PACS1: variants seen among roughly 807,000 people sequenced by gnomAD.
PACS1 encodes the protein phosphofurin acidic cluster sorting protein 1.
PACS1 carries 24 observed loss-of-function variants against 115.0 expected under a neutral mutation model. That is an observed-to-expected ratio of 0.21 (90% CI 0.15 to 0.29). The LOEUF (loss-of-function observed/expected upper bound fraction) is 0.29, where lower values mean the gene tolerates loss of function less well. PACS1 is among the 10% of genes least tolerant of loss of function. The pLI is 1.00. For missense variants in PACS1, 838 were observed against 1,251.2 expected (o/e 0.67, Z 4.98); for synonymous variants, 453 against 504.5 (o/e 0.90, Z 1.37).
At chr11:66,108,064 AT>A (rs1858092823) in intron 1 of PACS1, among the ~76,000 whole-genome samples, 1 of 152,146 alleles carries the variant, frequency 6.6e-6, no homozygotes, top group African/African-American at 2.4e-5. Flanking sequence ...AGCAAGGCTC[AT>A]TTTCTAGTTT....
In PACS1 at chr11:66,099,514, G is replaced by A. The variant is rs980404493; in HGVS notation, c.356+28672G>A. ...GCTGGGAGTACAGGCATAAGCCACC[G>A]TGCCCAGCCTATCACTTTCTATATC... is the stretch of plus-strand genomic sequence containing the variant. On this transcript the variant is annotated intron_variant, in intron 1 of 23. Coordinates refer to ENST00000320580, the MANE Select transcript of PACS1 (RefSeq NM_018026.4). 4.0e-5 allele frequency among the ~76,000 whole-genome samples: 6 copies of A among 151,020 alleles called. No homozygotes were observed. In the East Asian group the frequency reaches 5.9e-4, roughly 15 times the overall value.
chr11:66,162,515 G>A (rs1395615291), intron 1 of PACS1, among the ~76,000 whole-genome samples: 2 of 152,188 alleles, frequency 1.3e-5, no homozygotes, highest in African/African-American at 4.8e-5. Context: ...GAGTGACAGG[G>A]CCAAGAATGC....
chr11:66,236,664 C>T lies in PACS1; in HGVS notation c.2250+724C>T, dbSNP rs1855710833. ...GTCCGGGGGAGCTGTGCAGTCCTGC[C>T]AGAGGCCAGAGCATGGCACCGGAGC... On this transcript the variant is annotated intron_variant, in intron 19 of 23. Coordinates refer to ENST00000320580, the MANE Select transcript of PACS1 (RefSeq NM_018026.4). The surrounding 1 kb of genome is among the most constrained non-coding windows in gnomAD (Gnocchi z 4.2). Among the ~76,000 whole-genome samples the T allele has an allele frequency of 6.6e-6, 1 of 152,188 alleles. No homozygotes were observed. Among genetic ancestry groups the T allele is most frequent in the South Asian group, 2.1e-4 (1 of 4,830 alleles).
chr11:66,233,194 G>A lies in PACS1; in HGVS notation c.1838+128G>A, dbSNP rs1855635420. On this transcript the variant is annotated intron_variant, in intron 15 of 23. Transcript: ENST00000320580. This position sits in a 1 kb window ranked among gnomAD's most constrained non-coding sequence, Gnocchi z 4.5. The stretch of plus-strand genomic sequence containing the variant: ...ACCAAGAATTTGCAGAGGGGCGTAT[G>A]TTTAGGGGGGTGGCGGCAGCAGGCT... 4 of 665,194 alleles carry A rather than the reference G, an allele frequency of 6.0e-6. No homozygotes were observed. The highest frequency in any genetic ancestry group is 3.9e-5 in the South Asian group (2 of 51,726). 41.2% of individuals were successfully genotyped at this position (665,194 alleles called of 1,614,324 possible).
chr11:66,121,603 TG>T (rs1381599863), intron 1 of PACS1, among the ~76,000 whole-genome samples: 1 of 152,170 alleles, frequency 6.6e-6, no homozygotes, highest in Non-Finnish European at 1.5e-5. Context: ...AAATTAAAAG[TG>T]CTACTCCAGT....
rs1203799 is a variant in PACS1, at chr11:66,205,119, G to A, written c.445-5243G>A. Among the ~76,000 whole-genome samples the A allele has an allele frequency of 8.3e-3, 1,262 of 152,112 alleles. 15 individuals carry two copies. The highest frequency in any genetic ancestry group is 0.028 in the African/African-American group (1,178 of 41,494). ...CCTACCTCAGCCTCCCAAGTAGCTG[G>A]GATTACAGGTGTGCACCATCATGCC... On this transcript the variant is annotated intron_variant, in intron 2 of 23. Coordinates refer to ENST00000320580, the MANE Select transcript of PACS1 (RefSeq NM_018026.4).
In PACS1 at chr11:66,232,284, C is replaced by T. The variant is rs1385932908; in HGVS notation, c.1731+8C>T. On this transcript the variant is annotated splice_region_variant and intron_variant, in intron 14 of 23. Coordinates refer to ENST00000320580, the MANE Select transcript of PACS1 (RefSeq NM_018026.4). Reference sequence around the variant, plus strand: ...ACTGACTGGCAGGGCCAGGTAAGTGCTGAAACTGCGAGGCCATGTGGGGTC... The same window carrying T: ...ACTGACTGGCAGGGCCAGGTAAGTGTTGAAACTGCGAGGCCATGTGGGGTC... 6.4e-7 allele frequency: 1 copy of T among 1,555,448 alleles called. No homozygotes were observed. Among genetic ancestry groups the T allele is most frequent in the South Asian group, 1.1e-5 (1 of 89,950 alleles).
intron 1 of PACS1, among the ~76,000 whole-genome samples, chr11:66,098,032 C>G (rs1042944476): frequency 3.9e-5 from 6 of 152,080 alleles, no homozygotes; most frequent in African/African-American, 1.4e-4. Flanking sequence ...AAAAAATTAG[C>G]TGGGCATGGT....
Position 66,219,800 on chromosome 11 carries a change from G to A in PACS1, c.1033G>A (p.Asp345Asn). 6.2e-7 allele frequency: 1 copy of A among 1,610,954 alleles called. No homozygotes were observed. Among genetic ancestry groups the A allele is most frequent in the Non-Finnish European group, 8.5e-7 (1 of 1,177,164 alleles). ...VALLKRFKVS[D>N]EVGFGLEHVS... ...CCTCCTGAAGCGGTTTAAAGTTTCA[G>A]ATGAGGTATGGCCTCTTACTCCCAA... The change falls in exon 8 of 24, where the codon GAT (aspartate) becomes AAT (asparagine). Residue 345 changes from aspartate (D) to asparagine (N), a missense_variant. This residue lies in a region of PACS1 where 223 missense variants were observed against 354.0 expected (regional missense o/e 0.63). Coordinates refer to ENST00000320580, the MANE Select transcript of PACS1 (RefSeq NM_018026.4).
At chr11:66,154,412 C>T (rs1859309329) in intron 1 of PACS1, among the ~76,000 whole-genome samples, 1 of 152,154 alleles carries the variant, frequency 6.6e-6, no homozygotes, top group Admixed American at 6.6e-5. Flanking sequence ...GCCCTCCAGC[C>T]TGGGCAACAG....
chr11:66,223,369 G>GCTTCCCA (rs1242574851), intron 10 of PACS1, among the ~76,000 whole-genome samples: 132 of 149,952 alleles, frequency 8.8e-4, no homozygotes, highest in African/African-American at 2.6e-3. Context: ...GCTGGGATTA[G>GCTTCCCA]AGGCTTGAGC....
chr11:66,187,269 CAG>C (rs1356693556), intron 1 of PACS1, among the ~76,000 whole-genome samples: 5 of 152,222 alleles, frequency 3.3e-5, no homozygotes, highest in East Asian at 1.9e-4. Context: ...ATGAACAGAA[CAG>C]GGGGATTAGC....
chr11:66,232,755 C>T (rs1855622568), intron 14 of PACS1, among the ~76,000 whole-genome samples: 1 of 152,144 alleles, frequency 6.6e-6, no homozygotes, highest in Non-Finnish European at 1.5e-5. Context: ...GGCTTCCCAT[C>T]TCTCACACTC....
intron 1 of PACS1, among the ~76,000 whole-genome samples, chr11:66,191,566 C>T (rs1430264409): frequency 2.0e-5 from 3 of 152,092 alleles, no homozygotes; most frequent in African/African-American, 7.2e-5. Flanking sequence ...GAACAGTGAG[C>T]CCCCCAACAC....
chr11:66,129,275 TACA>T (rs1316046604), intron 1 of PACS1, among the ~76,000 whole-genome samples: 1 of 150,828 alleles, frequency 6.6e-6, no homozygotes, highest in Non-Finnish European at 1.5e-5. Flanking sequence ...CTACTGAAAA[TACA>T]ACAATTAGCC....
rs947157740 is a variant in PACS1, at chr11:66,233,568, G to A, written c.1839-217G>A. 6.6e-6 allele frequency among the ~76,000 whole-genome samples: 1 copy of A among 152,196 alleles called. No homozygotes were observed. Among genetic ancestry groups the A allele is most frequent in the Non-Finnish European group, 1.5e-5 (1 of 68,038 alleles). ...GTCCTACGTTAGCCTCAGCTGTTCCGTCTGCTTCATGGGCAATGCCCTCTG... is the reference window on the plus strand; with the variant it reads ...GTCCTACGTTAGCCTCAGCTGTTCCATCTGCTTCATGGGCAATGCCCTCTG... On this transcript the variant is annotated intron_variant, in intron 15 of 23. Coordinates refer to ENST00000320580, the MANE Select transcript of PACS1 (RefSeq NM_018026.4). This position sits in a 1 kb window ranked among gnomAD's most constrained non-coding sequence, Gnocchi z 4.5.
At chr11:66,222,123 A>C (rs551093225) in intron 10 of PACS1, among the ~76,000 whole-genome samples, 1 of 152,268 alleles carries the variant, frequency 6.6e-6, no homozygotes, top group South Asian at 2.1e-4. Flanking sequence ...CTCAACAAAC[A>C]AAAACCTCTC....
In PACS1 at chr11:66,235,140, T is replaced by C. The variant is rs144769192; in HGVS notation, c.2105-161T>C. Among the ~76,000 whole-genome samples, 1 of 152,252 alleles carries C rather than the reference T, an allele frequency of 6.6e-6. No homozygotes were observed. Among genetic ancestry groups the C allele is most frequent in the African/African-American group, 2.4e-5 (1 of 41,548 alleles). On this transcript the variant is annotated intron_variant, in intron 17 of 23. Coordinates refer to ENST00000320580, the MANE Select transcript of PACS1 (RefSeq NM_018026.4). This position sits in a 1 kb window ranked among gnomAD's most constrained non-coding sequence, Gnocchi z 5.6. ...AGATTGGAAGGGAGAGGACCATCCT[T>C]GGGCTCATGATTCCTTCAAACCAGA...
chr11:66,156,564 A>G (rs1859365705), intron 1 of PACS1, among the ~76,000 whole-genome samples: 1 of 151,954 alleles, frequency 6.6e-6, no homozygotes, highest in Admixed American at 6.6e-5. Flanking sequence ...TTTTTAAAAA[A>G]ATCTTTCCGG....
Sources: gnomAD v4.1 joint callset for allele counts (sites outside exome capture counted in the v4.1 genomes callset) on GRCh38, gnomAD v4.1.1 for gene constraint, gnomAD v4.1.1 regional missense constraint, Gnocchi (gnomAD v3.1) non-coding constraint, MANE v1.5 for transcripts, NCBI Gene and HGNC (gene_info 2026-07-23, HGNC 2026-07-21) for gene names.